The following AMZ1 variants were observed in gnomAD, a reference collection of about 807,000 sequenced individuals.
The protein encoded by AMZ1 is archaemetzincin-1.
In AMZ1, 39 loss-of-function variants were observed where a neutral mutation model predicts 29.9. The ratio of observed to expected loss-of-function variants is 1.30; its 90% CI spans 1.01 to 1.70. The LOEUF is 1.70. Ranked by LOEUF, AMZ1 falls within the 40% of genes most tolerant of loss-of-function variation. The pLI, the probability that AMZ1 is intolerant of heterozygous loss-of-function variation, is 0.00. For missense variants in AMZ1, 1,041 were observed against 680.6 expected (o/e 1.53, Z -5.89); for synonymous variants, 458 against 304.0 (o/e 1.51, Z -5.27).
At position 2,700,769 on chromosome 7, in the gene AMZ1, G is replaced by T; in HGVS notation, c.304+14G>T. 1 of 1,607,394 alleles carries T rather than the reference G, an allele frequency of 6.2e-7. No homozygotes were observed. The highest frequency in any genetic ancestry group is 8.5e-7 in the Non-Finnish European group (1 of 1,176,820). On this transcript the variant is annotated intron_variant, in intron 2 of 6. Transcript: ENST00000683327. ...TACAGCCGATAGGTACGGGACGCCT[G>T]CAGCCATCGGCACGCTCCTGGGGGA...
At chr7:2,698,364 CCT>C (rs1787860278) in intron 1 of AMZ1, among the ~76,000 whole-genome samples, 1 of 152,110 alleles carries the variant, frequency 6.6e-6, no homozygotes. Context: ...ATGGTGAAAC[CCT>C]GTTTCTACTA....
chr7:2,733,423 G>C (rs200691408), intron 4 of AMZ1: 42 of 1,607,560 alleles, frequency 2.6e-5, no homozygotes, highest in Non-Finnish European at 3.1e-5. Context: ...CTGGAGCCCA[G>C]CTTCTTCGGG....
At chr7:2,690,054 G>T (rs1413850511) in intron 1 of AMZ1, among the ~76,000 whole-genome samples, 1 of 152,280 alleles carries the variant, frequency 6.6e-6, no homozygotes, top group Middle Eastern at 3.4e-3. Flanking sequence ...TTCTTGAGAG[G>T]AAATAGTATG....
Position 2,712,872 on chromosome 7 carries a change from G to A in AMZ1, c.1491G>A (p.Glu497=), listed in dbSNP as rs74388321. The A allele has an allele frequency of 0.021, 31,797 of 1,519,024 alleles. 424 individuals are homozygous for A. Among genetic ancestry groups the A allele is most frequent in the Non-Finnish European group, 0.025 (28,773 of 1,133,490 alleles). 94.1% of individuals were successfully genotyped at this position (1,519,024 alleles called of 1,614,324 possible). The part of the protein sequence containing the change: ...ESAPRPWDGE[E]S ...CCCCCCGTCCCTGGGATGGGGAAGA[G>A]AGTTAGTACAGCAGGGGCTGCCCTA... Residue 497 remains glutamate (E), a synonymous_variant, in exon 7 of 7, where the codon GAG becomes GAA. Transcript: ENST00000683327.
chr7:2,708,553 C>T (rs778716713), intron 3 of AMZ1, 35 bp from the exon 4 acceptor site: 4 of 1,609,250 alleles, frequency 2.5e-6, no homozygotes, highest in African/African-American at 1.3e-5. Context: ...TCCCCGGCTG[C>T]CTCCTGACCC....
At chr7:2,707,585 C>T (rs1168690139) in intron 3 of AMZ1, among the ~76,000 whole-genome samples, 1 of 152,098 alleles carries the variant, frequency 6.6e-6, no homozygotes, top group East Asian at 1.9e-4. Context: ...ACACAACTTG[C>T]TAGCTTGGAT....
chr7:2,698,134 C>A (rs929496412), intron 1 of AMZ1, among the ~76,000 whole-genome samples: 1 of 152,106 alleles, frequency 6.6e-6, no homozygotes, highest in African/African-American at 2.4e-5. Flanking sequence ...GGTACGTATG[C>A]CCATGTTGCC....
At position 2,712,786 on chromosome 7, in the gene AMZ1, G is replaced by A; in HGVS notation, c.1405G>A (p.Asp469Asn). 2 of 1,570,458 alleles carry A rather than the reference G, an allele frequency of 1.3e-6. No homozygotes were observed. Among genetic ancestry groups the A allele is most frequent in the Non-Finnish European group, 1.7e-6 (2 of 1,156,082 alleles). Reference sequence around the variant, plus strand: ...CGTGGGGCTGCGCAAGGTGCTGGGGGACAAGTTCTCCTCCCTGAGGAGGAA... The same window carrying A: ...CGTGGGGCTGCGCAAGGTGCTGGGGAACAAGTTCTCCTCCCTGAGGAGGAA... ...DSVGLRKVLG[D>N]KFSSLRRKLS... Residue 469 changes from aspartate to asparagine, a missense_variant, in exon 7 of 7, where the codon GAC becomes AAC. Coordinates refer to ENST00000683327, the MANE Select transcript of AMZ1 (RefSeq NM_001384743.1).
At chr7:2,735,056 C>G (rs1790096080) in intron 4 of AMZ1, among the ~76,000 whole-genome samples, 1 of 152,244 alleles carries the variant, frequency 6.6e-6, no homozygotes, top group Non-Finnish European at 1.5e-5. Flanking sequence ...CTCTGCACAT[C>G]ATGCCTCCTT....
At chr7:2,753,895 T>G (rs1214100575) in intron 4 of AMZ1, among the ~76,000 whole-genome samples, 1 of 152,170 alleles carries the variant, frequency 6.6e-6, no homozygotes, top group Non-Finnish European at 1.5e-5. Context: ...AAGGATCATC[T>G]CAATGTGGCA....
downstream of AMZ1, among the ~76,000 whole-genome samples, chr7:2,724,299 C>T (rs560670045): frequency 5.3e-5 from 8 of 152,360 alleles, no homozygotes; most frequent in South Asian, 1.7e-3. Context: ...GCCAGACCTG[C>T]GACCTGTCGA....
At chr7:2,762,288 G>A (rs1042037789), upstream of AMZ1, 5 of 252,284 alleles carry the variant, frequency 2.0e-5, no homozygotes, top group African/African-American at 4.4e-5. Context: ...TGCACATGGC[G>A]GGGCCGGCGT....
At position 2,700,330 on chromosome 7, in the gene AMZ1, G is replaced by GC. The variant is rs1277072308; in HGVS notation, c.-117dup. 7 of 1,149,520 alleles carry GC rather than the reference G, an allele frequency of 6.1e-6. No individual in the cohort carries two copies. The highest frequency in any genetic ancestry group is 7.2e-6 in the Non-Finnish European group (6 of 829,490). The allele number at this position is 1,149,520 out of a possible 1,614,324, so 71.2% of individuals were successfully genotyped here. On this transcript the variant is annotated 5_prime_UTR_variant, in exon 2 of 7. It introduces an in-frame stop codon into an upstream open reading frame of the 5' UTR. Transcript: ENST00000683327. ...TTGGACCAGTGTCTGTCTGCAGGGAGCCCCCGGTAGCCACTCGGATCAGCC... is the reference window on the plus strand; with the variant it reads ...TTGGACCAGTGTCTGTCTGCAGGGAGCCCCCCGGTAGCCACTCGGATCAGCC...
rs1032272293 is a variant in AMZ1, at chr7:2,717,316, C to G, written c.*4438C>G. Among the ~76,000 whole-genome samples the G allele has an allele frequency of 1.3e-5, 2 of 152,246 alleles. No individual in the cohort carries two copies. The highest frequency in any genetic ancestry group is 4.8e-5 in the African/African-American group (2 of 41,472). ...AGGGCTTCGCGACGGGGCTCATAGA[C>G]CTGAACTGGGTCTGCCTGCCTGTGT... On this transcript the variant is annotated 3_prime_UTR_variant, in exon 7 of 7. Coordinates refer to ENST00000683327, the MANE Select transcript of AMZ1 (RefSeq NM_001384743.1).
intron 4 of AMZ1, chr7:2,730,414 G>C (rs1457641015): frequency 6.6e-6 from 1 of 152,584 alleles, no homozygotes; most frequent in East Asian, 1.9e-4. Flanking sequence ...GTCTCACTCC[G>C]TGTTGTGCTG....
At chr7:2,691,857 C>T (rs546329076) in intron 1 of AMZ1, among the ~76,000 whole-genome samples, 1 of 152,146 alleles carries the variant, frequency 6.6e-6, no homozygotes, top group Admixed American at 6.5e-5. Context: ...ATGTCATTCT[C>T]TGGAAAGCTG....
In AMZ1 at chr7:2,717,017, G is replaced by C. The variant is rs556005121; in HGVS notation, c.*4139G>C. Among the ~76,000 whole-genome samples, 1 of 152,334 alleles carries C rather than the reference G, an allele frequency of 6.6e-6. No homozygotes were observed. Among genetic ancestry groups the C allele is most frequent in the African/African-American group, 2.4e-5 (1 of 41,576 alleles). On this transcript the variant is annotated 3_prime_UTR_variant, in exon 7 of 7. Coordinates refer to ENST00000683327, the MANE Select transcript of AMZ1 (RefSeq NM_001384743.1). ...GGTCTGAGCAGGAAGAGAGTAAGAA[G>C]GCGCACGGACGCGGGAGGCCTGCAC...
intron 4 of AMZ1, among the ~76,000 whole-genome samples, chr7:2,738,666 CTGAG>C (rs1394248116): frequency 6.6e-6 from 1 of 151,878 alleles, no homozygotes; most frequent in Non-Finnish European, 1.5e-5. Flanking sequence ...GTAGCCCTCT[CTGAG>C]TATGTCTGAC....
chr7:2,722,274 ATTT>A (rs57939882), downstream of AMZ1, among the ~76,000 whole-genome samples: 1 of 145,370 alleles, frequency 6.9e-6, no homozygotes, highest in Non-Finnish European at 1.5e-5. Flanking sequence ...GGCATTTCGA[ATTT>A]TTTTTTTTTT....
Sources: gnomAD v4.1 joint callset for allele counts (sites outside exome capture counted in the v4.1 genomes callset) on GRCh38, gnomAD v4.1.1 for gene constraint, MANE v1.5 for transcripts, NCBI Gene and HGNC (gene_info 2026-07-23, HGNC 2026-07-21) for gene names.